SPATA3: variants seen among roughly 807,000 people sequenced by gnomAD.
SPATA3 encodes the protein spermatogenesis-associated protein 3.
Under a neutral mutation model 5.7 loss-of-function variants are expected in SPATA3, and 6 were observed. The observed-to-expected ratio is 1.06, with a 90% CI of 0.58 to 2.09. The LOEUF (loss-of-function observed/expected upper bound fraction) is 2.09, where lower values mean the gene tolerates loss of function less well. Among genes scored for constraint, SPATA3 ranks in the 30% most tolerant of loss-of-function variants. SPATA3 has a pLI of 0.00. For synonymous variants in SPATA3, 44 were observed against 48.4 expected, an observed-to-expected ratio of 0.91 and a Z score of 0.37; for missense variants, 155 against 130.4, an observed-to-expected ratio of 1.19 and a Z score of -0.92.
chr2:231,006,960 C>A (rs1292120333), downstream of SPATA3: 1 of 152,230 alleles, frequency 6.6e-6, no homozygotes, highest in Non-Finnish European at 1.5e-5. Flanking sequence ...CCGGGGAAGG[C>A]GCTGGCACCG....
At chr2:231,005,370 TCAC>T (rs1692560118), downstream of SPATA3, among the ~76,000 whole-genome samples, 4 of 36,892 alleles carry the variant, frequency 1.1e-4, no homozygotes, top group East Asian at 9.8e-4. Flanking sequence ...ACCACCATCA[TCAC>T]CACCATCACC....
chr2:231,015,842 G>C (rs979772753), intron 6 of SPATA3, among the ~76,000 whole-genome samples: 1 of 152,252 alleles, frequency 6.6e-6, no homozygotes, highest in East Asian at 1.9e-4. Flanking sequence ...AAATGTCTCA[G>C]AAGTGGATTC....
chr2:231,002,656 C>T, intron 2 of SPATA3, 28 bp from the exon 3 acceptor site: 1 of 1,404,958 alleles, frequency 7.1e-7, no homozygotes, highest in Non-Finnish European at 9.5e-7. Context: ...CAGCTTCCCA[C>T]CACCCCCACT....
downstream of SPATA3, among the ~76,000 whole-genome samples, chr2:231,006,005 A>C (rs1692610344): frequency 6.6e-6 from 1 of 151,060 alleles, no homozygotes; most frequent in African/African-American, 2.4e-5. Flanking sequence ...CTCTACAAAA[A>C]AAAAAAAAAA....
chr2:231,002,848 CT>C, downstream of SPATA3: 1 of 1,155,364 alleles, frequency 8.7e-7, no homozygotes, highest in South Asian at 2.1e-5. Flanking sequence ...CGCTCTGTCC[CT>C]TCGAATGGAG....
At position 231,019,110 on chromosome 2, in the gene SPATA3, G is replaced by A. The variant is rs188195599; in HGVS notation, c.*566-610G>A. ...GCCCCCTGAGTAGCTGCGACTACAG[G>A]CGCCCGCCACAACGCTTGGCTAATT... On this transcript the variant is annotated intron_variant, in intron 6 of 8. Transcript: ENST00000452881. 3.5e-3 allele frequency among the ~76,000 whole-genome samples: 508 copies of A among 146,574 alleles called. 3 individuals carry two copies. Among genetic ancestry groups the A allele is most frequent in the South Asian group, 0.01 (46 of 4,582 alleles).
downstream of SPATA3, among the ~76,000 whole-genome samples, chr2:231,007,597 G>T (rs141238606): frequency 2.6e-4 from 39 of 152,374 alleles, no homozygotes; most frequent in Non-Finnish European, 5.3e-4. Context: ...TAGGAGGAAT[G>T]TGCCGGTTCG....
rs1302164187 is a variant in SPATA3 at position 231,019,000 on chromosome 2, T to C, written c.*566-720T>C. ...TTTTTTTTTTGAGATGGAGTCTCAC[T>C]CTGTTGCCCAGGCTGGAGCGCAGTG... On this transcript the variant is annotated intron_variant, in intron 6 of 8. Coordinates refer to the SPATA3 transcript ENST00000452881. 2.1e-4 allele frequency among the ~76,000 whole-genome samples: 28 copies of C among 134,088 alleles called. No homozygotes were observed. The Admixed American group carries it at 2.3e-3, about 11-fold the overall frequency. The allele number at this position is 134,088 out of a possible 152,430, so 88.0% of individuals were successfully genotyped here.
At chr2:231,011,514 C>T (rs1352865530), downstream of SPATA3, among the ~76,000 whole-genome samples, 1 of 152,172 alleles carries the variant, frequency 6.6e-6, no homozygotes, top group Non-Finnish European at 1.5e-5. Context: ...CTGTCCAGTC[C>T]ACTGTGCCAG....
At chr2:231,002,322 G>A (rs1574660219) in intron 2 of SPATA3, among the ~76,000 whole-genome samples, 1 of 152,178 alleles carries the variant, frequency 6.6e-6, no homozygotes, top group Non-Finnish European at 1.5e-5. Flanking sequence ...TCAATGGAGT[G>A]AAGTGATAGA....
At chr2:231,005,180 A>T (rs1195888587), downstream of SPATA3, among the ~76,000 whole-genome samples, 2 of 144,234 alleles carry the variant, frequency 1.4e-5, no homozygotes, top group Non-Finnish European at 3.1e-5. Flanking sequence ...CACCATCATC[A>T]TCACCATCAC....
downstream of SPATA3, chr2:231,002,935 G>A (rs1164975892): frequency 4.2e-6 from 2 of 471,980 alleles, no homozygotes; most frequent in Non-Finnish European, 7.4e-6. Context: ...CCTGGCCTCA[G>A]GGTCAGCCGG....
intron 2 of SPATA3, 120 bp from the exon 3 acceptor site, chr2:231,002,564 A>G: frequency 1.9e-6 from 1 of 539,902 alleles, no homozygotes; most frequent in South Asian, 3.4e-5. Flanking sequence ...GAGTTTGGAG[A>G]GGGGGAAGAT....
chr2:231,004,679 T>C (rs191799735), downstream of SPATA3, among the ~76,000 whole-genome samples: 699 of 152,230 alleles, frequency 4.6e-3, 2 homozygotes, highest in Non-Finnish European at 7.4e-3. Flanking sequence ...AACCTACTGG[T>C]TGTGAGCTGG....
downstream of SPATA3, among the ~76,000 whole-genome samples, chr2:231,004,750 C>T (rs1051158248): frequency 6.6e-6 from 1 of 152,070 alleles, no homozygotes; most frequent in Non-Finnish European, 1.5e-5. Context: ...ATTTCTGAGG[C>T]CTGGGGCAGG....
chr2:231,017,409 A>T (rs1276701316), intron 6 of SPATA3, among the ~76,000 whole-genome samples: 3 of 152,206 alleles, frequency 2.0e-5, no homozygotes, highest in Non-Finnish European at 4.4e-5. Flanking sequence ...ATCCGGAGAG[A>T]GTGCCCACAA....
At position 231,000,549 on chromosome 2, in the gene SPATA3, G is replaced by A. The variant is rs778607149; in HGVS notation, c.962+12G>A. On this transcript the variant is annotated intron_variant, in intron 2 of 2. Transcript: ENST00000645363. Reference sequence around the variant, plus strand: ...CTCACCTTCTACAGGTTCCAAGCGCGAGGGGCTGGAGCCTCGGGGCACACA... The same window carrying A: ...CTCACCTTCTACAGGTTCCAAGCGCAAGGGGCTGGAGCCTCGGGGCACACA... 16 of 1,500,110 alleles carry A rather than the reference G, an allele frequency of 1.1e-5. No individual in the cohort carries two copies. Among genetic ancestry groups the A allele is most frequent in the East Asian group, 7.6e-5 (3 of 39,528 alleles). The allele number at this position is 1,500,110 out of a possible 1,614,324, so 92.9% of individuals were successfully genotyped here.
intron 6 of SPATA3, among the ~76,000 whole-genome samples, chr2:231,016,161 T>G (rs1359729350): frequency 6.6e-6 from 1 of 151,674 alleles, no homozygotes; most frequent in African/African-American, 2.4e-5. Context: ...AAGACAGAAC[T>G]GTTGTTCACC....
In SPATA3 at chr2:231,019,448, C is replaced by T. The variant is rs35586369; in HGVS notation, c.*566-272C>T. On this transcript the variant is annotated intron_variant, in intron 6 of 8. Transcript: ENST00000452881. The stretch of plus-strand genomic sequence containing the variant: ...ACACCATTCTCCTGCCTCAGCCTCC[C>T]GAGTAGCTGGGACTACAGGCACCTG... Among the ~76,000 whole-genome samples, 32 of 146,462 alleles carry T rather than the reference C, an allele frequency of 2.2e-4. 2 individuals carry two copies. Among genetic ancestry groups the T allele is most frequent in the Non-Finnish European group, 3.2e-4 (21 of 66,528 alleles).
Sources: gnomAD v4.1 joint callset for allele counts (sites outside exome capture counted in the v4.1 genomes callset) on GRCh38, gnomAD v4.1.1 for gene constraint, MANE v1.5 for transcripts, NCBI Gene and HGNC (gene_info 2026-07-23, HGNC 2026-07-21) for gene names.